The following PRUNE2 variants were observed in gnomAD, a reference collection of about 807,000 sequenced individuals.
PRUNE2 encodes the protein protein prune homolog 2.
In PRUNE2, 164 loss-of-function variants were observed where a neutral mutation model predicts 252.0. The ratio of observed to expected loss-of-function variants is 0.65; its 90% CI spans 0.57 to 0.74. The LOEUF (loss-of-function observed/expected upper bound fraction) is 0.74. Among genes scored for constraint, PRUNE2 ranks in the 30% least tolerant of loss-of-function variants. The pLI, the probability that PRUNE2 is intolerant of heterozygous loss-of-function variation, is 0.00. For synonymous variants in PRUNE2, 1,292 were observed against 1,350.2 expected, an observed-to-expected ratio of 0.96 and a Z score of 0.94; for missense variants, 3,495 against 3,711.0, an observed-to-expected ratio of 0.94 and a Z score of 1.51.
intron 6 of PRUNE2, among the ~76,000 whole-genome samples, chr9:76,818,089 TC>T (rs925957662): frequency 3.9e-4 from 60 of 152,316 alleles, no homozygotes; most frequent in African/African-American, 1.4e-3. Flanking sequence ...ATCAAATCAT[TC>T]ACATATTTTG....
At chr9:76,727,630 TTTC>T (rs1490388886) in intron 6 of PRUNE2, among the ~76,000 whole-genome samples, 42 of 149,534 alleles carry the variant, frequency 2.8e-4, no homozygotes, top group South Asian at 8.6e-4. Context: ...GAGTTGTTTC[TTTC>T]TTCTTCTTCT....
chr9:76,748,940 G>A (rs115755781), intron 6 of PRUNE2, among the ~76,000 whole-genome samples: 1,699 of 152,236 alleles, frequency 0.011, 32 homozygotes, highest in African/African-American at 0.038. Context: ...GCGGAGCAGG[G>A]ACCCCTCTTA....
intron 17 of PRUNE2, among the ~76,000 whole-genome samples, chr9:76,623,559 C>CT: frequency 6.6e-6 from 1 of 152,286 alleles, no homozygotes; most frequent in Admixed American, 6.5e-5. Context: ...TCCCAAAGTG[C>CT]TGGGATTACA....
intron 9 of PRUNE2, among the ~76,000 whole-genome samples, chr9:76,678,540 C>T (rs1175280487): frequency 1.3e-5 from 2 of 152,112 alleles, no homozygotes; most frequent in Admixed American, 1.3e-4. Flanking sequence ...ATTATAAAGA[C>T]CTTCCTTGGC....
intron 5 of PRUNE2, among the ~76,000 whole-genome samples, chr9:76,826,195 T>C (rs944452046): frequency 6.6e-6 from 1 of 152,154 alleles, no homozygotes; most frequent in Non-Finnish European, 1.5e-5. Context: ...CCTTCTCAGC[T>C]GGGCATGGTG....
intron 3 of PRUNE2, among the ~76,000 whole-genome samples, chr9:76,850,247 A>G (rs2059886566): frequency 6.6e-6 from 1 of 152,238 alleles, no homozygotes; most frequent in South Asian, 2.1e-4. Context: ...AGGTTTCACC[A>G]TGTTGGTCAG....
chr9:76,622,097 A>G (rs1465201057), intron 17 of PRUNE2, among the ~76,000 whole-genome samples: 1 of 152,214 alleles, frequency 6.6e-6, no homozygotes, highest in Non-Finnish European at 1.5e-5. Context: ...AATGCACAAT[A>G]AAGTTTGAGA....
In PRUNE2 at chr9:76,850,463, C is replaced by T; in HGVS notation, c.344G>A (p.Ser115Asn). The T allele has an allele frequency of 6.2e-7, 1 of 1,611,952 alleles. No homozygotes were observed. Among genetic ancestry groups the T allele is most frequent in the Non-Finnish European group, 8.5e-7 (1 of 1,178,026 alleles). ...CTCAGAGCTTCACAGTGGATCTTAC[C>T]TCGCCAGCACACTGCTGCCAACAAG... The part of the protein sequence containing the change: ...ITLVGSSVLA[S>N]EDKTLESAVV... The change falls in exon 3 of 19, where the codon AGT becomes AAT. Residue 115 changes from serine (S) to asparagine (N), a missense_variant and splice_region_variant. Physicochemically the swap from Ser to Asn is conservative, Grantham distance 46. Transcript: ENST00000376718.
intron 1 of PRUNE2, among the ~76,000 whole-genome samples, chr9:76,871,169 T>TC (rs113899836): frequency 0.089 from 13,481 of 152,218 alleles, 1,715 homozygotes; most frequent in African/African-American, 0.29. Flanking sequence ...ATCCCTGGGT[T>TC]CACATTCATG....
In PRUNE2 at chr9:76,781,302, G is replaced by C. The variant is rs2131206056; in HGVS notation, c.756+42330C>G. On this transcript the variant is annotated intron_variant, in intron 6 of 18. Coordinates refer to ENST00000376718, the MANE Select transcript of PRUNE2 (RefSeq NM_015225.3). ...AGTCTGAAGTGTTCACTCTGGCCTG[G>C]GAGGGCTTGAAGGATCTGATCCCAC... Among the ~76,000 whole-genome samples, 3 of 152,140 alleles carry C rather than the reference G, an allele frequency of 2.0e-5. No homozygotes were observed. In the South Asian group the frequency reaches 6.2e-4, roughly 32 times the overall value.
Position 76,641,208 on chromosome 9 carries a change from G to A in PRUNE2, c.8729-2920C>T, listed in dbSNP as rs968372688. ...ATAAAAAGTATGGAAATTTATAAAT[G>A]AAAATGAAAATTTATAAATGAAAAT... is the stretch of plus-strand genomic sequence containing the variant. On this transcript the variant is annotated intron_variant, in intron 12 of 18. Transcript: ENST00000376718. Among the ~76,000 whole-genome samples, 4 of 152,210 alleles carry A rather than the reference G, an allele frequency of 2.6e-5. No homozygotes were observed. The South Asian group carries it at 8.3e-4, about 32-fold the overall frequency.
intron 17 of PRUNE2, among the ~76,000 whole-genome samples, chr9:76,622,173 A>C (rs186988970): frequency 5.3e-4 from 80 of 152,346 alleles, no homozygotes; most frequent in African/African-American, 1.9e-3. Context: ...GCATAAATTT[A>C]CTGAGCATCT....
intron 1 of PRUNE2, among the ~76,000 whole-genome samples, chr9:76,866,066 A>G (rs2132934906): frequency 6.6e-6 from 1 of 152,346 alleles, no homozygotes; most frequent in South Asian, 2.1e-4. Flanking sequence ...TCATTTTTAA[A>G]TATCTCAAGC....
At chr9:76,734,107 C>T (rs867160361) in intron 6 of PRUNE2, among the ~76,000 whole-genome samples, 1 of 151,984 alleles carries the variant, frequency 6.6e-6, no homozygotes, top group South Asian at 2.1e-4. Context: ...TTGTCTGTTT[C>T]CAGATTTGGC....
chr9:76,684,904 A>C (rs1298432680), intron 9 of PRUNE2, among the ~76,000 whole-genome samples: 13 of 152,108 alleles, frequency 8.5e-5, no homozygotes, highest in Admixed American at 8.5e-4. Context: ...GGAGTGCACC[A>C]CCATGCCTGG....
chr9:76,728,243 A>T (rs777072634), intron 6 of PRUNE2, among the ~76,000 whole-genome samples: 1 of 152,252 alleles, frequency 6.6e-6, no homozygotes, highest in South Asian at 2.1e-4. Context: ...GGAAAAACTC[A>T]TCAAAACCCA....
chr9:76,645,042 A>C (rs1046798774), intron 11 of PRUNE2, 133 bp from the exon 12 acceptor site: 104 of 753,672 alleles, frequency 1.4e-4, no homozygotes, highest in Admixed American at 2.9e-4. Flanking sequence ...TGCAGAAACA[A>C]CCTGATCAAA....
intron 6 of PRUNE2, chr9:76,786,767 C>T (rs1053042437): frequency 6.6e-6 from 1 of 152,184 alleles, no homozygotes; most frequent in Non-Finnish European, 1.5e-5. Flanking sequence ...ATTTAAAGCT[C>T]AAGAGGTTCA....
At chr9:76,654,141 C>T (rs1848415990) in intron 10 of PRUNE2, among the ~76,000 whole-genome samples, 3 of 152,178 alleles carry the variant, frequency 2.0e-5, no homozygotes, top group Admixed American at 1.3e-4. Flanking sequence ...CAAAACCCTA[C>T]ACATCTGGTC....
Sources: gnomAD v4.1 joint callset for allele counts (sites outside exome capture counted in the v4.1 genomes callset) on GRCh38, gnomAD v4.1.1 for gene constraint, MANE v1.5 for transcripts, NCBI Gene and HGNC (gene_info 2026-07-23, HGNC 2026-07-21) for gene names.